Variants in SHISA9 observed in about 807,000 individuals in gnomAD.
SHISA9 encodes the protein shisa family member 9, also known as protein shisa-9.
A neutral mutation model predicts 38.0 loss-of-function variants in SHISA9; 13 were observed. The ratio of observed to expected loss-of-function variants is 0.34; its 90% CI spans 0.22 to 0.54. The LOEUF (loss-of-function observed/expected upper bound fraction) is 0.54. Ranked by LOEUF, SHISA9 falls within the 20% of genes least tolerant of loss-of-function variation. The pLI, the probability that SHISA9 is intolerant of heterozygous loss-of-function variation, is 0.91. For synonymous variants in SHISA9, 275 were observed against 242.0 expected, an observed-to-expected ratio of 1.14 and a Z score of -1.27; for missense variants, 538 against 575.8, an observed-to-expected ratio of 0.93 and a Z score of 0.67.
intron 2 of SHISA9, among the ~76,000 whole-genome samples, chr16:13,066,247 A>G (rs1250284093): frequency 2.0e-5 from 3 of 152,180 alleles, no homozygotes; most frequent in Admixed American, 6.5e-5. Flanking sequence ...TGCACTTGAC[A>G]TGTAGTGTGA....
chr16:13,132,078 A>G (rs929581359), intron 2 of SHISA9, among the ~76,000 whole-genome samples: 36 of 152,196 alleles, frequency 2.4e-4, no homozygotes, highest in African/African-American at 8.4e-4. Flanking sequence ...GTCTGTTTCT[A>G]AAAATGAATG....
intron 2 of SHISA9, among the ~76,000 whole-genome samples, chr16:13,035,451 C>A (rs2073044521): frequency 1.3e-5 from 2 of 152,164 alleles, no homozygotes; most frequent in Non-Finnish European, 2.9e-5. Flanking sequence ...GTCCACAGAG[C>A]TCAATAATTC....
intron 2 of SHISA9, among the ~76,000 whole-genome samples, chr16:13,067,348 A>G (rs2073447230): frequency 6.6e-6 from 1 of 152,186 alleles, no homozygotes; most frequent in Admixed American, 6.5e-5. Context: ...GCATTTGATG[A>G]ACTCAAGTTC....
the SHISA9 span, among the ~76,000 whole-genome samples, chr16:13,433,125 A>AG: frequency 6.6e-6 from 1 of 152,088 alleles, no homozygotes; most frequent in East Asian, 1.9e-4. Flanking sequence ...AAGACAATAA[A>AG]TTGTGTTTAT....
chr16:13,444,982 CTATATATATATATATA>C, the SHISA9 span, among the ~76,000 whole-genome samples: 7,452 of 106,132 alleles, frequency 0.07, 434 homozygotes, highest in African/African-American at 0.083. Flanking sequence ...CCATGCCTAG[CTATATATATATATATA>C]TATATATATA....
At chr16:12,908,632 C>T in intron 1 of SHISA9, 1 of 1,550,318 alleles carries the variant, frequency 6.5e-7, no homozygotes, top group Non-Finnish European at 8.7e-7. Context: ...TGCAAACCTG[C>T]AGGAATTCCA....
the SHISA9 span, among the ~76,000 whole-genome samples, chr16:13,403,862 T>C: frequency 6.6e-6 from 1 of 152,158 alleles, no homozygotes; most frequent in Non-Finnish European, 1.5e-5. Context: ...TTTACCTGCA[T>C]TGGCCTCAGT....
the SHISA9 span, among the ~76,000 whole-genome samples, chr16:13,400,859 C>T: frequency 1.3e-5 from 2 of 152,238 alleles, no homozygotes; most frequent in Non-Finnish European, 2.9e-5. Flanking sequence ...TGGACACTAA[C>T]TTCTTTCAAC....
At chr16:13,190,753 G>A (rs929884857) in intron 2 of SHISA9, among the ~76,000 whole-genome samples, 13 of 152,176 alleles carry the variant, frequency 8.5e-5, no homozygotes, top group African/African-American at 3.1e-4. Flanking sequence ...AAAACTGGCT[G>A]AAAGTGAGCA....
At chr16:13,304,096 G>T in the SHISA9 span, among the ~76,000 whole-genome samples, 187 of 151,962 alleles carry the variant, frequency 1.2e-3, no homozygotes, top group African/African-American at 3.9e-3. Context: ...CAGCTTTTTT[G>T]TTTACCTCTG....
intron 2 of SHISA9, among the ~76,000 whole-genome samples, chr16:13,044,152 G>T (rs1234099779): frequency 6.6e-6 from 1 of 152,104 alleles, no homozygotes; most frequent in African/African-American, 2.4e-5. Flanking sequence ...CTAGGGAAGG[G>T]GTCCTAAAGG....
intron 2 of SHISA9, among the ~76,000 whole-genome samples, chr16:13,099,714 G>A (rs2073860476): frequency 6.6e-6 from 1 of 152,194 alleles, no homozygotes; most frequent in Non-Finnish European, 1.5e-5. Flanking sequence ...CAGGAGATAA[G>A]AATCTTCCTT....
At chr16:13,423,359 G>A in the SHISA9 span, among the ~76,000 whole-genome samples, 1 of 152,158 alleles carries the variant, frequency 6.6e-6, no homozygotes, top group Non-Finnish European at 1.5e-5. Flanking sequence ...AGGGAGATAA[G>A]TTCAAAGGAA....
intron 2 of SHISA9, among the ~76,000 whole-genome samples, chr16:13,087,289 C>T (rs548824030): frequency 7.9e-4 from 120 of 151,174 alleles, no homozygotes; most frequent in African/African-American, 2.6e-3. Context: ...AATAAACATA[C>T]GTGTGCGTGT....
chr16:13,403,569 C>G, the SHISA9 span, among the ~76,000 whole-genome samples: 2 of 152,128 alleles, frequency 1.3e-5, no homozygotes, highest in Non-Finnish European at 2.9e-5. Context: ...CTTCAAAACA[C>G]AGTGCTGGAA....
At chr16:13,061,979 G>T (rs1232536136) in intron 2 of SHISA9, among the ~76,000 whole-genome samples, 1 of 152,208 alleles carries the variant, frequency 6.6e-6, no homozygotes, top group Admixed American at 6.5e-5. Context: ...GAGCAGGCCG[G>T]TGGGGCTGGA....
chr16:13,310,684 C>CTTTTTT, the SHISA9 span, among the ~76,000 whole-genome samples: 1 of 125,604 alleles, frequency 8.0e-6, no homozygotes, highest in Non-Finnish European at 1.7e-5. Flanking sequence ...GATTTTTATG[C>CTTTTTT]TTTTTTTTTT....
the SHISA9 span, among the ~76,000 whole-genome samples, chr16:13,436,704 T>C: frequency 6.6e-6 from 1 of 152,194 alleles, no homozygotes; most frequent in Non-Finnish European, 1.5e-5. Context: ...CCATTTCTGG[T>C]AATACTAGTT....
chr16:13,014,700 C>T (rs192044266), intron 2 of SHISA9, among the ~76,000 whole-genome samples: 9 of 152,306 alleles, frequency 5.9e-5, no homozygotes, highest in East Asian at 3.9e-4. Flanking sequence ...AATTCTGAGC[C>T]GGGGGTGGAA....
Sources: gnomAD v4.1 joint callset for allele counts (sites outside exome capture counted in the v4.1 genomes callset) on GRCh38, gnomAD v4.1.1 for gene constraint, MANE v1.5 for transcripts, NCBI Gene and HGNC (gene_info 2026-07-23, HGNC 2026-07-21) for gene names.